Variants in DYNC1LI2 observed in about 807,000 individuals in gnomAD.
DYNC1LI2 encodes the protein cytoplasmic dynein 1 light intermediate chain 2.
Under a neutral mutation model 57.8 loss-of-function variants are expected in DYNC1LI2, and 19 were observed. The ratio of observed to expected loss-of-function variants is 0.33; its 90% CI spans 0.23 to 0.48. The LOEUF (loss-of-function observed/expected upper bound fraction) is 0.48. Among genes scored for constraint, DYNC1LI2 ranks in the 20% least tolerant of loss-of-function variants. The pLI, the probability that DYNC1LI2 is intolerant of heterozygous loss-of-function variation, is 0.99. For missense variants in DYNC1LI2, 470 were observed against 604.2 expected (o/e 0.78, Z 2.33); for synonymous variants, 256 against 233.4 (o/e 1.10, Z -0.88).
At chr16:66,742,200 G>A (rs368879001) in intron 4 of DYNC1LI2, among the ~76,000 whole-genome samples, 2 of 152,178 alleles carry the variant, frequency 1.3e-5, no homozygotes, top group Non-Finnish European at 2.9e-5. Flanking sequence ...TATTTGAAAC[G>A]GAAACCAATG....
intron 12 of DYNC1LI2, among the ~76,000 whole-genome samples, chr16:66,725,627 C>T (rs1303858130): frequency 6.6e-6 from 1 of 152,204 alleles, no homozygotes; most frequent in Non-Finnish European, 1.5e-5. Context: ...ACAAATCCCA[C>T]TCTCAATGTG....
At position 66,722,497 on chromosome 16, in the gene DYNC1LI2, G is replaced by A. The variant is rs1423681265; in HGVS notation, c.*1225C>T. ...TGCATGAATTTGCCCTAGGTGGGGAGACACCTGAAACTCTTATTTCCATAA... is the reference window on the plus strand; with the variant it reads ...TGCATGAATTTGCCCTAGGTGGGGAAACACCTGAAACTCTTATTTCCATAA... On this transcript the variant is annotated 3_prime_UTR_variant, in exon 13 of 13. Transcript: ENST00000258198. The A allele has an allele frequency of 6.6e-6, 1 of 152,598 alleles. No individual in the cohort carries two copies. The allele number at this position is 152,598 out of a possible 1,614,324, so 9.5% of individuals were successfully genotyped here.
rs1239816598 is a variant in DYNC1LI2 at position 66,721,826 on chromosome 16, G to A, written c.*1896C>T. The stretch of plus-strand genomic sequence containing the variant: ...TTAAAATTATACCATATTCCTCTTC[G>A]GCATGTGCCTTTCCAGGAATTCTTG... On this transcript the variant is annotated 3_prime_UTR_variant, in exon 13 of 13. Transcript: ENST00000258198. 1.3e-5 allele frequency: 2 copies of A among 152,382 alleles called. No homozygotes were observed. The highest frequency in any genetic ancestry group is 2.1e-4 in the South Asian group (1 of 4,834). 9.4% of individuals were successfully genotyped at this position (152,382 alleles called of 1,614,324 possible).
At chr16:66,729,708 T>C (rs1396884371) in intron 8 of DYNC1LI2, among the ~76,000 whole-genome samples, 1 of 151,246 alleles carries the variant, frequency 6.6e-6, no homozygotes, top group African/African-American at 2.4e-5. Flanking sequence ...TCCCAACTGC[T>C]GGGATTACAG....
rs1567448419 is a variant in DYNC1LI2, at chr16:66,728,248, AAG to A, written c.1102-8_1102-7del. ...GGTTGCTTGGCAAGGAGTGACTGCA[AAG>A]AGAGGGACAAACTGGCTATTAACCA... is the stretch of plus-strand genomic sequence containing the variant. On this transcript the variant is annotated splice_region_variant and splice_polypyrimidine_tract_variant and intron_variant, in intron 9 of 12. Transcript: ENST00000258198. The A allele has an allele frequency of 1.2e-6, 2 of 1,614,080 alleles. No individual in the cohort carries two copies. Among genetic ancestry groups the A allele is most frequent in the Non-Finnish European group, 1.7e-6 (2 of 1,179,978 alleles).
In DYNC1LI2 at chr16:66,730,136, A is replaced by G. The variant is rs767031978; in HGVS notation, c.1017T>C (p.Phe339=). ...CCTTTCTCACGGGAGGTTTCACAAT[A>G]AAGTCTTCATATGCATCTTCCGGCT... ...TVKPEDAYED[F]IVKPPVRKLV... Residue 339 remains phenylalanine, a synonymous_variant, in exon 8 of 13, where the codon TTT becomes TTC. Transcript: ENST00000258198. 13 of 1,613,758 alleles carry G rather than the reference A, an allele frequency of 8.1e-6. No homozygotes were observed. The highest frequency in any genetic ancestry group is 6.6e-5 in the South Asian group (6 of 91,038).
intron 11 of DYNC1LI2, 89 bp downstream of exon 11, chr16:66,727,599 C>T: frequency 7.9e-7 from 1 of 1,271,198 alleles, no homozygotes; most frequent in South Asian, 1.3e-5. Context: ...TGAGTCTCCA[C>T]CTTATAGACT....
chr16:66,750,603 C>G (rs1476161151), intron 2 of DYNC1LI2, among the ~76,000 whole-genome samples: 2 of 152,206 alleles, frequency 1.3e-5, no homozygotes, highest in Non-Finnish European at 2.9e-5. Flanking sequence ...ATGCAATCAC[C>G]AATACATCTG....
chr16:66,742,687 G>A lies in DYNC1LI2; in HGVS notation c.299-19C>T. ...GTGTGATCTGAGAAAACAAGTGAAT[G>A]AAGCTAGTTACCACCTGACAGTGAC... On this transcript the variant is annotated intron_variant, in intron 3 of 12. Transcript: ENST00000258198. The A allele has an allele frequency of 1.2e-6, 2 of 1,610,626 alleles. No homozygotes were observed. Among genetic ancestry groups the A allele is most frequent in the Non-Finnish European group, 1.7e-6 (2 of 1,177,782 alleles).
At chr16:66,748,860 A>G (rs905003987) in intron 3 of DYNC1LI2, among the ~76,000 whole-genome samples, 8 of 152,240 alleles carry the variant, frequency 5.3e-5, no homozygotes, top group African/African-American at 1.9e-4. Context: ...AATGGTCCCC[A>G]GGACAGCCAA....
At chr16:66,737,008 C>T (rs1245585716) in intron 4 of DYNC1LI2, among the ~76,000 whole-genome samples, 1 of 152,168 alleles carries the variant, frequency 6.6e-6, no homozygotes, top group Non-Finnish European at 1.5e-5. Flanking sequence ...CACAGTGGCT[C>T]ATGCCAGTAA....
intron 6 of DYNC1LI2, 67 bp downstream of exon 6, chr16:66,734,149 ATC>A (rs779159422): frequency 8.2e-6 from 12 of 1,466,974 alleles, no homozygotes; most frequent in Non-Finnish European, 1.1e-5. Flanking sequence ...GAGGTGCTTT[ATC>A]TCTTTGAAGA....
chr16:66,730,312 A>G, intron 7 of DYNC1LI2, 89 bp from the exon 8 acceptor site: 1 of 1,099,912 alleles, frequency 9.1e-7, no homozygotes. Context: ...TGGGTAGGAC[A>G]CTTCTCACAA....
Position 66,749,256 on chromosome 16 carries a change from C to A in DYNC1LI2, c.239G>T (p.Gly80Val), listed in dbSNP as rs2017997364. The A allele has an allele frequency of 2.5e-6, 4 of 1,614,000 alleles. No individual in the cohort carries two copies. Among genetic ancestry groups the A allele is most frequent in the Non-Finnish European group, 3.4e-6 (4 of 1,180,014 alleles). ...LMTKLQGAEH[G>V]KKGRGLEYLY... is the part of the protein sequence containing the mutation. ...ATATTCTAGGCCTCTTCCTTTTTTG[C>A]CATGCTCAGCTCCTTGTAGTTTAGT... The change falls in exon 3 of 13, where the codon GGC (glycine) becomes GTC (valine). Residue 80 changes from glycine to valine, a missense_variant. Gly to Val is a moderately radical substitution (Grantham distance 109). Transcript: ENST00000258198.
rs748332567 is a variant in DYNC1LI2, at chr16:66,729,111, C to T, written c.1042-12G>A. On this transcript the variant is annotated splice_polypyrimidine_tract_variant and intron_variant, in intron 8 of 12. Coordinates refer to ENST00000258198, the MANE Select transcript of DYNC1LI2 (RefSeq NM_006141.3). ...TTGTCGTGGACCAGCTGTGAAACAA[C>T]ATACATGTTTGTGGCCACAGGCCAA... is the stretch of plus-strand genomic sequence containing the variant. The T allele has an allele frequency of 1.2e-6, 2 of 1,614,064 alleles. No individual in the cohort carries two copies. Among genetic ancestry groups the T allele is most frequent in the South Asian group, 2.2e-5 (2 of 91,086 alleles).
intron 6 of DYNC1LI2, chr16:66,733,343 C>T (rs964408079): frequency 5.9e-5 from 9 of 152,292 alleles, no homozygotes; most frequent in African/African-American, 2.2e-4. Context: ...GGGCAGATTA[C>T]TTGAGGTCAG....
intron 4 of DYNC1LI2, among the ~76,000 whole-genome samples, chr16:66,739,479 T>C (rs2017798606): frequency 6.6e-6 from 1 of 152,240 alleles, no homozygotes; most frequent in African/African-American, 2.4e-5. Flanking sequence ...CTTGGCTCTG[T>C]TGCCCAGGCT....
At position 66,727,670 on chromosome 16, in the gene DYNC1LI2, C is replaced by A. The variant is rs768401402; in HGVS notation, c.1261+18G>T. 10 of 1,613,080 alleles carry A rather than the reference C, an allele frequency of 6.2e-6. 1 individual carries two copies. In the South Asian group the frequency reaches 1.1e-4, roughly 18 times the overall value. ...CTAAACTACTCTCCAAAGAGACATA[C>A]TTTTGAGGAATACATACTTTTGATG... On this transcript the variant is annotated intron_variant, in intron 11 of 12. Coordinates refer to ENST00000258198, the MANE Select transcript of DYNC1LI2 (RefSeq NM_006141.3).
intron 7 of DYNC1LI2, 164 bp downstream of exon 7, chr16:66,732,175 C>A (rs931291245): frequency 3.2e-6 from 3 of 937,162 alleles, no homozygotes; most frequent in African/African-American, 3.4e-5. Flanking sequence ...CCACTTCCCT[C>A]AGGCAGATGC....
Sources: allele counts gnomAD v4.1 joint callset (sites outside exome capture counted in the v4.1 genomes callset), GRCh38; gene constraint gnomAD v4.1.1; transcripts MANE v1.5; gene names NCBI Gene and HGNC (gene_info 2026-07-23, HGNC 2026-07-21).